Variants in ILRUN observed in about 807,000 individuals in gnomAD.
The protein encoded by ILRUN is protein ILRUN.
ILRUN carries 3 observed loss-of-function variants against 33.8 expected under a neutral mutation model. The observed-to-expected ratio is 0.09, with a 90% CI of 0.04 to 0.23. ILRUN has a LOEUF of 0.23. ILRUN is among the 10% of genes least tolerant of loss of function. The pLI, the probability that ILRUN is intolerant of heterozygous loss-of-function variation, is 1.00. For missense variants in ILRUN, 210 were observed against 375.1 expected (o/e 0.56, Z 3.64); for synonymous variants, 124 against 138.9 (o/e 0.89, Z 0.75).
chr6:34,634,744 T>C (rs773897356), intron 3 of ILRUN, among the ~76,000 whole-genome samples: 1 of 152,210 alleles, frequency 6.6e-6, no homozygotes, highest in Non-Finnish European at 1.5e-5. Flanking sequence ...ATGAAATAGA[T>C]TACCTTAATA....
rs767129738 is a variant in ILRUN at position 34,646,528 on chromosome 6, GT to G, written c.511+72del. On this transcript the variant is annotated intron_variant, in intron 3 of 4. Transcript: ENST00000374023. The surrounding 1 kb of genome is among the most constrained non-coding windows in gnomAD (Gnocchi z 4.9). ...CCTGTTATGCAATTTGACAGGCTCT[GT>G]GAGCAACACTGGGGATGTTATAAGA... The G allele has an allele frequency of 4.1e-5, 60 of 1,463,470 alleles. No homozygotes were observed. Among genetic ancestry groups the G allele is most frequent in the Non-Finnish European group, 5.5e-5 (58 of 1,061,384 alleles). The allele number at this position is 1,463,470 out of a possible 1,614,324, so 90.7% of individuals were successfully genotyped here.
At chr6:34,661,202 T>C (rs559835924) in intron 1 of ILRUN, among the ~76,000 whole-genome samples, 33 of 152,238 alleles carry the variant, frequency 2.2e-4, no homozygotes, top group Non-Finnish European at 4.3e-4. Context: ...GTTTTATTAT[T>C]GTATTAGGTA....
chr6:34,608,461 T>G (rs938336670), intron 3 of ILRUN, among the ~76,000 whole-genome samples: 1 of 152,130 alleles, frequency 6.6e-6, no homozygotes, highest in Non-Finnish European at 1.5e-5. Context: ...AAAAATGATG[T>G]ACCTGCCTAG....
chr6:34,649,793 A>G (rs1205676745), intron 2 of ILRUN, among the ~76,000 whole-genome samples: 1 of 152,214 alleles, frequency 6.6e-6, no homozygotes, highest in Admixed American at 6.5e-5. Flanking sequence ...ACCTTCATCA[A>G]TCTTGTGACC....
intron 1 of ILRUN, among the ~76,000 whole-genome samples, chr6:34,677,165 G>A (rs374224218): frequency 6.6e-6 from 1 of 152,198 alleles, no homozygotes; most frequent in African/African-American, 2.4e-5. Flanking sequence ...AAATTAGCCA[G>A]GCATGGTGGT....
intron 1 of ILRUN, among the ~76,000 whole-genome samples, chr6:34,679,232 T>C (rs1262181682): frequency 1.3e-5 from 2 of 151,630 alleles, no homozygotes; most frequent in South Asian, 2.1e-4. Context: ...AAATATATTA[T>C]GCGCTACATT....
At chr6:34,640,483 T>G (rs2127355564) in intron 3 of ILRUN, among the ~76,000 whole-genome samples, 1 of 151,342 alleles carries the variant, frequency 6.6e-6, no homozygotes, top group East Asian at 2.0e-4. Flanking sequence ...GAGGCTGAGG[T>G]GGGCGGATCA....
Position 34,685,254 on chromosome 6 carries a change from G to C in ILRUN, c.158+11192C>G, listed in dbSNP as rs75879816. The C allele has an allele frequency of 4.1e-3, 620 of 152,310 alleles. 7 individuals carry two copies. The highest frequency in any genetic ancestry group is 0.013 in the African/African-American group (560 of 41,566). 9.4% of individuals were successfully genotyped at this position (152,310 alleles called of 1,614,324 possible). ...GGGCCTTAAAGATAACTCAGTTCAA[G>C]TCTAATTTCTGGGAGACCAAAAACT... On this transcript the variant is annotated intron_variant, in intron 1 of 4. Coordinates refer to ENST00000374023, the MANE Select transcript of ILRUN (RefSeq NM_024294.4).
At chr6:34,609,489 C>T (rs74579065) in intron 3 of ILRUN, among the ~76,000 whole-genome samples, 2 of 144,400 alleles carry the variant, frequency 1.4e-5, no homozygotes, top group Non-Finnish European at 3.0e-5. Flanking sequence ...GAGCCTATCT[C>T]AAAAAAAAAA....
intron 1 of ILRUN, among the ~76,000 whole-genome samples, chr6:34,655,014 G>A (rs1762741480): frequency 6.6e-6 from 1 of 152,112 alleles, no homozygotes; most frequent in Admixed American, 6.6e-5. Context: ...AGTACCATCA[G>A]CAACAGTATG....
chr6:34,662,305 C>CA (rs528133769), intron 1 of ILRUN, among the ~76,000 whole-genome samples: 9,016 of 74,784 alleles, frequency 0.12, 493 homozygotes, highest in East Asian at 0.4. Flanking sequence ...GACTCCGTCT[C>CA]AAAAAAAAAA....
At chr6:34,667,588 A>C (rs1306119832) in intron 1 of ILRUN, among the ~76,000 whole-genome samples, 1 of 152,180 alleles carries the variant, frequency 6.6e-6, no homozygotes, top group Non-Finnish European at 1.5e-5. Context: ...ATTACTTATT[A>C]ACTATAAAGG....
intron 3 of ILRUN, among the ~76,000 whole-genome samples, chr6:34,613,280 ATAAGTG>A (rs1344446852): frequency 1.3e-5 from 2 of 152,204 alleles, no homozygotes; most frequent in Admixed American, 1.3e-4. Context: ...AATTTTTAGA[ATAAGTG>A]TAAGAGAATA....
intron 1 of ILRUN, among the ~76,000 whole-genome samples, chr6:34,693,305 T>C (rs181193518): frequency 1.8e-4 from 27 of 152,310 alleles, no homozygotes; most frequent in Middle Eastern, 3.4e-3. Context: ...CTTAACTGCA[T>C]GGATTTCTAA....
intron 3 of ILRUN, among the ~76,000 whole-genome samples, chr6:34,634,914 G>C (rs1762325906): frequency 6.6e-6 from 1 of 152,130 alleles, no homozygotes; most frequent in African/African-American, 2.4e-5. Flanking sequence ...AGCATCCACA[G>C]AGCTGCACTG....
At chr6:34,611,333 C>A (rs1277752188) in intron 3 of ILRUN, among the ~76,000 whole-genome samples, 1 of 152,194 alleles carries the variant, frequency 6.6e-6, no homozygotes, top group Non-Finnish European at 1.5e-5. Context: ...CAGCTCTGTA[C>A]ATAGATTCTA....
In ILRUN at chr6:34,689,001, G is replaced by C. The variant is rs901782195; in HGVS notation, c.158+7445C>G. ...AATATCCAGAATAGGTACATACATAGAGACAGAACTCAGACTGCTGGTTGC... is the reference window on the plus strand; with the variant it reads ...AATATCCAGAATAGGTACATACATACAGACAGAACTCAGACTGCTGGTTGC... On this transcript the variant is annotated intron_variant, in intron 1 of 4. Coordinates refer to ENST00000374023, the MANE Select transcript of ILRUN (RefSeq NM_024294.4). 5.3e-5 allele frequency among the ~76,000 whole-genome samples: 8 copies of C among 151,356 alleles called. 1 individual carries two copies. The highest frequency in any genetic ancestry group is 1.3e-4 in the Admixed American group (2 of 15,168).
At chr6:34,608,315 G>T (rs1258959831) in intron 3 of ILRUN, among the ~76,000 whole-genome samples, 1 of 151,768 alleles carries the variant, frequency 6.6e-6, no homozygotes. Flanking sequence ...AATTGCTTGA[G>T]CCTGGGAGGT....
intron 2 of ILRUN, among the ~76,000 whole-genome samples, chr6:34,649,897 G>C (rs1192148989): frequency 6.6e-6 from 1 of 152,182 alleles, no homozygotes. Context: ...ATACTGAAGA[G>C]AAAGGTAGAA....
Sources: gnomAD v4.1 joint callset for allele counts (sites outside exome capture counted in the v4.1 genomes callset) on GRCh38, gnomAD v4.1.1 for gene constraint, Gnocchi (gnomAD v3.1) non-coding constraint, MANE v1.5 for transcripts, NCBI Gene and HGNC (gene_info 2026-07-23, HGNC 2026-07-21) for gene names.